The following PALS2 variants were observed in gnomAD, a reference collection of about 807,000 sequenced individuals.
PALS2 encodes protein PALS2.
In PALS2, 27 loss-of-function variants were observed where a neutral mutation model predicts 61.6. The ratio of observed to expected loss-of-function variants is 0.44; its 90% CI spans 0.32 to 0.60. The LOEUF is 0.60. Ranked by LOEUF, PALS2 falls within the 20% of genes least tolerant of loss-of-function variation. The probability of loss-of-function intolerance (pLI) is 0.05; values close to 1 mark genes in which losing one functional copy is unlikely to be tolerated. For synonymous variants in PALS2, 236 were observed against 218.6 expected, an observed-to-expected ratio of 1.08 and a Z score of -0.70; for missense variants, 554 against 639.4, an observed-to-expected ratio of 0.87 and a Z score of 1.44.
At chr7:24,664,029 G>GTCA (rs1216033772) in intron 6 of PALS2, among the ~76,000 whole-genome samples, 2 of 152,160 alleles carry the variant, frequency 1.3e-5, no homozygotes, top group Non-Finnish European at 2.9e-5. Context: ...ACTCACTTGG[G>GTCA]TCATCCCTTT....
intron 3 of PALS2, among the ~76,000 whole-genome samples, chr7:24,644,267 C>G (rs1028068024): frequency 6.6e-6 from 1 of 152,022 alleles, no homozygotes; most frequent in Non-Finnish European, 1.5e-5. Context: ...TCACCCTCCC[C>G]ACTCAGGTAG....
chr7:24,683,982 A>G (rs1788067465), intron 11 of PALS2, among the ~76,000 whole-genome samples: 1 of 152,218 alleles, frequency 6.6e-6, no homozygotes, highest in Non-Finnish European at 1.5e-5. Flanking sequence ...TACAAACACA[A>G]CATTCTGGGA....
intron 1 of PALS2, among the ~76,000 whole-genome samples, chr7:24,581,244 CGTGTGTGTGTGTGTGTGT>C (rs55768123): frequency 3.4e-4 from 49 of 143,132 alleles, no homozygotes; most frequent in South Asian, 1.9e-3. Context: ...CATTTCCCCA[CGTGTGTGTGTGTGTGTGT>C]GTGTGTGTGT....
chr7:24,630,317 C>T lies in PALS2; in HGVS notation c.117+6533C>T, dbSNP rs1303392709. On this transcript the variant is annotated intron_variant, in intron 2 of 11. Coordinates refer to ENST00000222644, the MANE Select transcript of PALS2 (RefSeq NM_001303037.2). ...GACACAGGGAGGGGAACATCACACA[C>T]CGATCCCTGTCGGGGGTTTGGGAGG... 3.9e-5 allele frequency among the ~76,000 whole-genome samples: 6 copies of T among 152,000 alleles called. No homozygotes were observed. In the East Asian group the frequency reaches 1.2e-3, roughly 29 times the overall value.
At chr7:24,623,222 A>T (rs942376089) in intron 1 of PALS2, among the ~76,000 whole-genome samples, 3 of 123,408 alleles carry the variant, frequency 2.4e-5, no homozygotes, top group East Asian at 2.3e-4. Flanking sequence ...TTTTTGAAGG[A>T]GTTTGTGAAG....
intron 8 of PALS2, among the ~76,000 whole-genome samples, chr7:24,666,439 A>G (rs543180547): frequency 6.6e-6 from 1 of 152,302 alleles, no homozygotes; most frequent in South Asian, 2.1e-4. Context: ...GCCTTTGTCA[A>G]GATGTTAAAA....
At chr7:24,602,572 T>A (rs1046286397) in intron 1 of PALS2, among the ~76,000 whole-genome samples, 2 of 152,304 alleles carry the variant, frequency 1.3e-5, no homozygotes, top group Admixed American at 1.3e-4. Flanking sequence ...AGCTGAAGGC[T>A]TCAGATAGTC....
chr7:24,679,557 T>C (rs1279467972), intron 10 of PALS2, among the ~76,000 whole-genome samples: 1 of 152,120 alleles, frequency 6.6e-6, no homozygotes, highest in African/African-American at 2.4e-5. Context: ...AGAAACTGTG[T>C]GATTAGATCT....
At chr7:24,620,282 A>G (rs1323390684) in intron 1 of PALS2, 1 of 152,200 alleles carries the variant, frequency 6.6e-6, no homozygotes, top group African/African-American at 2.4e-5. Flanking sequence ...ATTATTTGTT[A>G]TAATTTTGTC....
intron 1 of PALS2, among the ~76,000 whole-genome samples, chr7:24,583,031 A>T (rs1046733714): frequency 3.3e-5 from 5 of 151,142 alleles, no homozygotes; most frequent in African/African-American, 1.2e-4. Flanking sequence ...AGTGGCTGGG[A>T]TTACAGATGT....
rs1367962221 is a variant in PALS2 at position 24,693,593 on chromosome 7, A to C, written c.*5979A>C. 1 of 152,188 alleles carries C rather than the reference A, an allele frequency of 6.6e-6. No homozygotes were observed. Among genetic ancestry groups the C allele is most frequent in the African/African-American group, 2.4e-5 (1 of 41,460 alleles). 9.4% of individuals were successfully genotyped at this position (152,188 alleles called of 1,614,324 possible). A position where few individuals can be genotyped will look rare whatever the true frequency, so the allele number is the denominator to read the frequency against. On this transcript the variant is annotated 3_prime_UTR_variant, in exon 12 of 12. Coordinates refer to ENST00000222644, the MANE Select transcript of PALS2 (RefSeq NM_001303037.2). ...CTGGTAAACATGGTCTAAATGAGAAATGCCTCCATCTTTTCAGGTAGAACC... is the reference window on the plus strand; with the variant it reads ...CTGGTAAACATGGTCTAAATGAGAACTGCCTCCATCTTTTCAGGTAGAACC...
chr7:24,610,079 A>G (rs534468818), intron 1 of PALS2, among the ~76,000 whole-genome samples: 3 of 152,242 alleles, frequency 2.0e-5, no homozygotes, highest in African/African-American at 7.2e-5. Flanking sequence ...CCATCAAATA[A>G]AGAGTTAACT....
intron 3 of PALS2, among the ~76,000 whole-genome samples, chr7:24,649,026 T>G (rs186557420): frequency 1.2e-4 from 18 of 152,308 alleles, no homozygotes; most frequent in Middle Eastern, 3.4e-3. Flanking sequence ...ATTACTGACT[T>G]GTTTTTTTGC....
chr7:24,662,538 G>T (rs1322869515), intron 5 of PALS2, among the ~76,000 whole-genome samples: 1 of 152,154 alleles, frequency 6.6e-6, no homozygotes, highest in African/African-American at 2.4e-5. Context: ...GGAGGCTGAG[G>T]TGGGCAGATG....
chr7:24,619,221 A>G (rs2128055216), intron 1 of PALS2, among the ~76,000 whole-genome samples: 1 of 151,682 alleles, frequency 6.6e-6, no homozygotes, highest in South Asian at 2.1e-4. Flanking sequence ...TCACAATTTA[A>G]TCTTTGTTTT....
At chr7:24,651,378 G>T (rs752107406) in intron 5 of PALS2, among the ~76,000 whole-genome samples, 4 of 152,128 alleles carry the variant, frequency 2.6e-5, no homozygotes, top group Non-Finnish European at 1.5e-5. Context: ...TGACCACTTA[G>T]GTTCAAATAC....
At chr7:24,665,981 G>GATA in intron 7 of PALS2, 40 bp from the exon 8 acceptor site, 1 of 1,554,650 alleles carries the variant, frequency 6.4e-7, no homozygotes, top group Non-Finnish European at 8.8e-7. Context: ...TTCATATTCT[G>GATA]ATATACTGCT....
At chr7:24,641,011 A>AC in intron 2 of PALS2, among the ~76,000 whole-genome samples, 1 of 149,448 alleles carries the variant, frequency 6.7e-6, no homozygotes, top group South Asian at 2.1e-4. Flanking sequence ...CCATCTCAAA[A>AC]AAAAAAAAAA....
intron 1 of PALS2, among the ~76,000 whole-genome samples, chr7:24,595,660 G>T (rs1037182125): frequency 6.7e-6 from 1 of 148,184 alleles, no homozygotes; most frequent in African/African-American, 2.5e-5. Context: ...AACAATGAGT[G>T]AATTTTTAGT....
Sources: gnomAD v4.1 joint callset for allele counts (sites outside exome capture counted in the v4.1 genomes callset) on GRCh38, gnomAD v4.1.1 for gene constraint, MANE v1.5 for transcripts, NCBI Gene and HGNC (gene_info 2026-07-23, HGNC 2026-07-21) for gene names.